The following BTBD8 variants were observed in gnomAD, a reference collection of about 807,000 sequenced individuals.
BTBD8 encodes BTB domain containing 8.
Under a neutral mutation model 162.9 loss-of-function variants are expected in BTBD8, and 110 were observed. That is an observed-to-expected ratio of 0.68 (90% CI 0.58 to 0.79). BTBD8 has a LOEUF of 0.79. Among genes scored for constraint, BTBD8 ranks in the 30% least tolerant of loss-of-function variants. The pLI is 0.00. For missense variants in BTBD8, 1,905 were observed against 2,085.4 expected (o/e 0.91, Z 1.68); for synonymous variants, 667 against 716.1 (o/e 0.93, Z 1.10).
At position 92,102,820 on chromosome 1, in the gene BTBD8, G is replaced by C. The variant is rs559874260; in HGVS notation, c.544+151G>C. On this transcript the variant is annotated intron_variant, in intron 3 of 17. Coordinates refer to ENST00000636805, the MANE Select transcript of BTBD8 (RefSeq NM_001376131.1). ...AAAACACTAGTATTGTTAACTCCCA[G>C]TTTTTCCCAAGTAATTGGAGATAGG... 1.3e-5 allele frequency: 8 copies of C among 626,006 alleles called. No homozygotes were observed. The South Asian group carries it at 4.8e-4, about 37-fold the overall frequency. The allele number at this position is 626,006 out of a possible 1,614,324, so 38.8% of individuals were successfully genotyped here. A position where few individuals can be genotyped will look rare whatever the true frequency, so the allele number is the denominator to read the frequency against.
At chr1:92,119,097 C>G (rs1235438185) in intron 4 of BTBD8, among the ~76,000 whole-genome samples, 1 of 151,574 alleles carries the variant, frequency 6.6e-6, no homozygotes, top group Admixed American at 6.6e-5. Flanking sequence ...CTGTACACTA[C>G]TGTAGACTTT....
chr1:92,180,369 G>A lies in BTBD8; in HGVS notation c.2686G>A (p.Ala896Thr), dbSNP rs1319672895. 6.4e-7 allele frequency: 1 copy of A among 1,551,538 alleles called. No individual in the cohort carries two copies. Among genetic ancestry groups the A allele is most frequent in the South Asian group, 1.2e-5 (1 of 84,042 alleles). Residue 896 changes from alanine to threonine, a missense_variant, in exon 17 of 18, where the codon GCA becomes ACA. This residue lies in a region of BTBD8 where 1,374 missense variants were observed against 1,442.7 expected (regional missense o/e 0.95). Transcript: ENST00000636805. ...LDHNTTTEKQ[A>T]PKRKMVKQVH... ...CCACAATACAACTACAGAGAAACAAGCACCTAAGAGAAAAATGGTCAAGCA... is the reference window on the plus strand; with the variant it reads ...CCACAATACAACTACAGAGAAACAAACACCTAAGAGAAAAATGGTCAAGCA...
chr1:92,172,154 G>C (rs901850384), intron 13 of BTBD8, among the ~76,000 whole-genome samples: 2 of 152,084 alleles, frequency 1.3e-5, no homozygotes, highest in African/African-American at 4.8e-5. Flanking sequence ...AAAGCAATTA[G>C]TACTAAGAGT....
intron 15 of BTBD8, 26 bp from the exon 16 acceptor site, chr1:92,178,286 T>C: frequency 6.5e-7 from 1 of 1,537,262 alleles, no homozygotes; most frequent in Non-Finnish European, 8.8e-7. Flanking sequence ...CTAAGTGTAA[T>C]ACTGAATGCA....
chr1:92,172,982 A>G (rs893495221), intron 13 of BTBD8, among the ~76,000 whole-genome samples: 1 of 152,104 alleles, frequency 6.6e-6, no homozygotes, highest in African/African-American at 2.4e-5. Context: ...CTGGAGTGCA[A>G]TGGCATGATC....
intron 9 of BTBD8, among the ~76,000 whole-genome samples, chr1:92,163,120 C>T (rs1345537796): frequency 6.6e-6 from 1 of 151,716 alleles, no homozygotes; most frequent in Non-Finnish European, 1.5e-5. Flanking sequence ...TTTGGGAGGC[C>T]AAGTCAGGCA....
rs1557466833 is a variant in BTBD8, at chr1:92,177,185, A to C, written c.1992A>C (p.Thr664=). The C allele has an allele frequency of 6.5e-7, 1 of 1,547,998 alleles. No individual in the cohort carries two copies. The highest frequency in any genetic ancestry group is 8.7e-7 in the Non-Finnish European group (1 of 1,143,598). ...GACAAGTTGTAGAAAGATCAGCAAC[A>C]GCAGCAGCAGCAGCAACTGGACAGA... ...SPRQVVERSA[T]AAAAATGQKN... is the part of the protein sequence containing the mutation. Residue 664 remains threonine, a synonymous_variant, in exon 14 of 18, where the codon ACA becomes ACC. Transcript: ENST00000636805.
chr1:92,143,397 C>A (rs1321486757), intron 7 of BTBD8, among the ~76,000 whole-genome samples: 1 of 151,296 alleles, frequency 6.6e-6, no homozygotes, highest in African/African-American at 2.4e-5. Context: ...ATTTTAAAAA[C>A]ACAAAAGACA....
At chr1:92,085,362 C>T (rs1365955713) in intron 1 of BTBD8, among the ~76,000 whole-genome samples, 5 of 151,708 alleles carry the variant, frequency 3.3e-5, no homozygotes, top group African/African-American at 7.3e-5. Context: ...GAGGCCAAGG[C>T]GAGCAGATCA....
chr1:92,146,668 T>A (rs562179126), intron 7 of BTBD8, among the ~76,000 whole-genome samples: 1 of 152,320 alleles, frequency 6.6e-6, no homozygotes, highest in South Asian at 2.1e-4. Context: ...CTCTGTAGTT[T>A]TGTTTTTTTC....
chr1:92,091,958 C>G (rs1648314075), intron 2 of BTBD8, among the ~76,000 whole-genome samples: 1 of 152,070 alleles, frequency 6.6e-6, no homozygotes, highest in Admixed American at 6.6e-5. Context: ...AATCAGTTGC[C>G]CATTGCTGTG....
chr1:92,094,999 T>C (rs1285704051), intron 2 of BTBD8, among the ~76,000 whole-genome samples: 1 of 152,210 alleles, frequency 6.6e-6, no homozygotes, highest in African/African-American at 2.4e-5. Flanking sequence ...TCTTCCTTGT[T>C]GTATTTTCTT....
intron 5 of BTBD8, among the ~76,000 whole-genome samples, chr1:92,138,078 G>A (rs1649674943): frequency 6.6e-6 from 1 of 152,168 alleles, no homozygotes; most frequent in Non-Finnish European, 1.5e-5. Flanking sequence ...ACTAGTCAAG[G>A]CAGGTTGTTT....
intron 4 of BTBD8, among the ~76,000 whole-genome samples, chr1:92,127,396 C>G (rs1649388840): frequency 1.3e-5 from 2 of 152,074 alleles, no homozygotes; most frequent in South Asian, 4.1e-4. Flanking sequence ...CAAGCTGATT[C>G]CAGGAGATTG....
chr1:92,172,603 TA>T (rs1258916012), intron 13 of BTBD8, among the ~76,000 whole-genome samples: 1 of 152,250 alleles, frequency 6.6e-6, no homozygotes, highest in East Asian at 1.9e-4. Flanking sequence ...AAAATTATTC[TA>T]ACCTCTGTGT....
chr1:92,168,090 G>T, intron 11 of BTBD8, 105 bp downstream of exon 11: 1 of 948,142 alleles, frequency 1.1e-6, no homozygotes, highest in Non-Finnish European at 1.5e-6. Flanking sequence ...CTAGGCAGTG[G>T]ATACCTAGGG....
chr1:92,152,076 G>A (rs1312630756), intron 9 of BTBD8, among the ~76,000 whole-genome samples: 2 of 152,088 alleles, frequency 1.3e-5, no homozygotes, highest in Non-Finnish European at 1.5e-5. Flanking sequence ...TAAGTGCCCT[G>A]TTCAAGTTCC....
chr1:92,129,615 A>T (rs1557449956), intron 4 of BTBD8, 72 bp from the exon 5 acceptor site: 2 of 1,233,228 alleles, frequency 1.6e-6, no homozygotes, highest in East Asian at 5.0e-5. Context: ...AAAGATGAAA[A>T]TTTTCATAAA....
In BTBD8 at chr1:92,177,857, T is replaced by TA; in HGVS notation, c.2407dup (p.Ser803LysfsTer4). ...CAAGAGTTACCAATGGAACTTCCAA[T>TA]AAAAAAAGTATTCATGAACAAGACA... On this transcript the variant is annotated frameshift_variant, in exon 15 of 18. Transcript: ENST00000636805. LOFTEE classifies it high-confidence loss of function. 6.5e-7 allele frequency: 1 copy of TA among 1,542,964 alleles called. No individual in the cohort carries two copies. The highest frequency in any genetic ancestry group is 8.8e-7 in the Non-Finnish European group (1 of 1,139,846).
Sources: gnomAD v4.1 joint callset for allele counts (sites outside exome capture counted in the v4.1 genomes callset) on GRCh38, gnomAD v4.1.1 for gene constraint, gnomAD v4.1.1 regional missense constraint, MANE v1.5 for transcripts, NCBI Gene and HGNC (gene_info 2026-07-23, HGNC 2026-07-21) for gene names.